The following TPD52 variants were observed in gnomAD, a reference collection of about 807,000 sequenced individuals.
TPD52 encodes prostate and colon associated protein.
In TPD52, 17 loss-of-function variants were observed where a neutral mutation model predicts 31.3. The observed-to-expected ratio is 0.54, with a 90% CI of 0.37 to 0.82. The LOEUF is 0.82. Ranked by LOEUF, TPD52 falls within the 40% of genes least tolerant of loss-of-function variation. The probability of loss-of-function intolerance (pLI) is 0.00; values close to 1 mark genes in which losing one functional copy is unlikely to be tolerated. For synonymous variants in TPD52, 83 were observed against 89.6 expected, an observed-to-expected ratio of 0.93 and a Z score of 0.42; for missense variants, 212 against 240.1, an observed-to-expected ratio of 0.88 and a Z score of 0.77.
At chr8:80,040,378 CA>C (rs1810268185) in intron 7 of TPD52, among the ~76,000 whole-genome samples, 1 of 151,768 alleles carries the variant, frequency 6.6e-6, no homozygotes, top group Admixed American at 6.6e-5. Context: ...TTGGTAGAGA[CA>C]GGGTTTTGCC....
intron 1 of TPD52, among the ~76,000 whole-genome samples, chr8:80,091,071 A>G (rs2130882021): frequency 6.6e-6 from 1 of 152,326 alleles, no homozygotes; most frequent in African/African-American, 2.4e-5. Context: ...CCTATCTCCA[A>G]ACATGTCGTC....
intron 7 of TPD52, among the ~76,000 whole-genome samples, chr8:80,040,983 AG>A (rs1277404095): frequency 6.6e-6 from 1 of 152,200 alleles, no homozygotes; most frequent in Non-Finnish European, 1.5e-5. Flanking sequence ...CCTGCTAGTG[AG>A]GGCTGAATGA....
At chr8:80,103,105 A>T (rs1465505) in intron 1 of TPD52, among the ~76,000 whole-genome samples, 101,321 of 151,800 alleles carry the variant, frequency 0.67, 35,235 homozygotes, top group African/African-American at 0.88. Flanking sequence ...TAAATATCAG[A>T]AAAGTGTTTC....
chr8:80,167,937 T>C (rs764917612), intron 1 of TPD52, among the ~76,000 whole-genome samples: 9 of 152,218 alleles, frequency 5.9e-5, no homozygotes, highest in Non-Finnish European at 1.3e-4. Flanking sequence ...GTATACATAT[T>C]TATTCAGCTC....
At chr8:80,075,900 T>C (rs994685936) in intron 1 of TPD52, among the ~76,000 whole-genome samples, 2 of 152,228 alleles carry the variant, frequency 1.3e-5, no homozygotes, top group Non-Finnish European at 2.9e-5. Context: ...TAACCACTTC[T>C]CTAAAAAGAA....
chr8:80,119,779 CAAATAT>C (rs772259105), intron 1 of TPD52: 86 of 350,710 alleles, frequency 2.5e-4, no homozygotes, highest in South Asian at 9.2e-4. Flanking sequence ...AATAGATCCA[CAAATAT>C]AAAGGAATTT....
intron 6 of TPD52, 27 bp from the exon 7 acceptor site, chr8:80,042,695 G>A (rs1227615661): frequency 1.1e-5 from 18 of 1,589,134 alleles, no homozygotes; most frequent in Non-Finnish European, 1.5e-5. Context: ...AAAACAAATA[G>A]TAAATACAAA....
chr8:80,069,256 G>A (rs1359913162), intron 1 of TPD52, among the ~76,000 whole-genome samples: 1 of 152,032 alleles, frequency 6.6e-6, no homozygotes, highest in African/African-American at 2.4e-5. Context: ...TTGAGCCCAG[G>A]AGTTCGAGAC....
rs1482793356 is a variant in TPD52, at chr8:80,066,583, T to C, written c.20-1990A>G. 2.0e-5 allele frequency among the ~76,000 whole-genome samples: 3 copies of C among 152,212 alleles called. No homozygotes were observed. In the East Asian group the frequency reaches 5.8e-4, roughly 29 times the overall value. On this transcript the variant is annotated intron_variant, in intron 1 of 7. Transcript: ENST00000518937. ...AATCTGACTGTATCACTCTTCAGCTTAAAATCCTTTGGTGATTCCTTACTG... is the reference window on the plus strand; with the variant it reads ...AATCTGACTGTATCACTCTTCAGCTCAAAATCCTTTGGTGATTCCTTACTG...
At chr8:80,043,610 A>C (rs1021711626) in intron 6 of TPD52, among the ~76,000 whole-genome samples, 1 of 152,184 alleles carries the variant, frequency 6.6e-6, no homozygotes, top group Non-Finnish European at 1.5e-5. Context: ...GGTGGGGCCC[A>C]GCAAGCAGCG....
rs1451325129 is a variant in TPD52 at position 80,044,037 on chromosome 8, TAG to T, written c.455+128_455+129del. The stretch of plus-strand genomic sequence containing the variant: ...CAGAGGAAGTGTAGCTGAAAACTGA[TAG>T]AGTGTTAAACACACAGCTTGTTTCA... On this transcript the variant is annotated intron_variant, in intron 6 of 7. Coordinates refer to ENST00000518937, the MANE Select transcript of TPD52 (RefSeq NM_001025253.3). 1.9e-4 allele frequency: 133 copies of T among 708,934 alleles called. 3 individuals carry two copies. In the South Asian group the frequency reaches 2.2e-3, roughly 12 times the overall value. The allele number at this position is 708,934 out of a possible 1,614,324, so 43.9% of individuals were successfully genotyped here. A position where few individuals can be genotyped will look rare whatever the true frequency, so the allele number is the denominator to read the frequency against.
chr8:80,083,974 C>T (rs1322274654), intron 1 of TPD52, among the ~76,000 whole-genome samples: 1 of 152,202 alleles, frequency 6.6e-6, no homozygotes, highest in Non-Finnish European at 1.5e-5. Context: ...CATCCAAGCA[C>T]TCTCACTCCA....
chr8:80,042,794 A>T, intron 6 of TPD52, 126 bp from the exon 7 acceptor site: 10 of 780,896 alleles, frequency 1.3e-5, no homozygotes, highest in South Asian at 1.9e-5. Flanking sequence ...TATAATCTGT[A>T]CCATATATGT....
chr8:80,113,846 T>A (rs1004477740), intron 1 of TPD52, among the ~76,000 whole-genome samples: 1 of 152,216 alleles, frequency 6.6e-6, no homozygotes, highest in Non-Finnish European at 1.5e-5. Flanking sequence ...AAGAATATGC[T>A]AATTACCCTG....
At chr8:80,163,472 G>C (rs1223824494) in intron 1 of TPD52, among the ~76,000 whole-genome samples, 1 of 152,148 alleles carries the variant, frequency 6.6e-6, no homozygotes, top group Non-Finnish European at 1.5e-5. Flanking sequence ...TGGAGGAATG[G>C]GGAAGTTGGG....
intron 1 of TPD52, among the ~76,000 whole-genome samples, chr8:80,104,841 C>T (rs1000373399): frequency 5.3e-5 from 8 of 152,018 alleles, no homozygotes; most frequent in African/African-American, 1.9e-4. Flanking sequence ...AGGCATATCA[C>T]TTCAGCTCAG....
chr8:80,056,224 A>T (rs991482664), intron 2 of TPD52, among the ~76,000 whole-genome samples: 7 of 152,238 alleles, frequency 4.6e-5, no homozygotes, highest in African/African-American at 1.7e-4. Flanking sequence ...AGCAACATGG[A>T]TGAGCCTAGA....
At chr8:80,032,880 T>C (rs1191242362), downstream of TPD52, 1 of 152,356 alleles carries the variant, frequency 6.6e-6, no homozygotes, top group Non-Finnish European at 1.5e-5. Flanking sequence ...TGCTCATGCC[T>C]GCTGGGCTCA....
chr8:80,079,916 C>A (rs1815042919), intron 1 of TPD52, among the ~76,000 whole-genome samples: 1 of 152,088 alleles, frequency 6.6e-6, no homozygotes, highest in African/African-American at 2.4e-5. Context: ...AGACCTTGAA[C>A]TGAGTCAGTG....
Sources: gnomAD v4.1 joint callset for allele counts (sites outside exome capture counted in the v4.1 genomes callset) on GRCh38, gnomAD v4.1.1 for gene constraint, MANE v1.5 for transcripts, NCBI Gene and HGNC (gene_info 2026-07-23, HGNC 2026-07-21) for gene names.